Variants in CSRNP3 observed in about 807,000 individuals in gnomAD.
CSRNP3 encodes the protein cysteine/serine-rich nuclear protein 3.
In CSRNP3, 12 loss-of-function variants were observed where a neutral mutation model predicts 48.0. That is an observed-to-expected ratio of 0.25 (90% CI 0.16 to 0.41). The LOEUF (loss-of-function observed/expected upper bound fraction) is 0.41, where lower values mean the gene tolerates loss of function less well. CSRNP3 is among the 10% of genes least tolerant of loss of function. The pLI is 1.00. For missense variants in CSRNP3, 580 were observed against 724.4 expected (o/e 0.80, Z 2.29); for synonymous variants, 263 against 269.7 (o/e 0.98, Z 0.24).
chr2:165,585,555 T>G (rs1685614044), intron 3 of CSRNP3, among the ~76,000 whole-genome samples: 1 of 152,182 alleles, frequency 6.6e-6, no homozygotes, highest in Admixed American at 6.5e-5. Context: ...GACACTGGTG[T>G]TTCTTGGGCC....
At chr2:165,472,196 A>G (rs1453796031) in intron 1 of CSRNP3, among the ~76,000 whole-genome samples, 4 of 152,038 alleles carry the variant, frequency 2.6e-5, no homozygotes, top group Admixed American at 2.0e-4. Context: ...TGTCCAGGCT[A>G]TGGATAGTGA....
chr2:165,500,859 C>G (rs181113583), intron 2 of CSRNP3, among the ~76,000 whole-genome samples: 2 of 152,096 alleles, frequency 1.3e-5, no homozygotes, highest in Admixed American at 1.3e-4. Flanking sequence ...GTATTTAATT[C>G]CATCTTTGAG....
chr2:165,499,074 T>C (rs970059970), intron 2 of CSRNP3, among the ~76,000 whole-genome samples: 1 of 152,182 alleles, frequency 6.6e-6, no homozygotes, highest in African/African-American at 2.4e-5. Flanking sequence ...CATCTAGCAG[T>C]GGTCACAGGC....
At chr2:165,551,971 A>C (rs1026917291) in intron 3 of CSRNP3, among the ~76,000 whole-genome samples, 1 of 152,240 alleles carries the variant, frequency 6.6e-6, no homozygotes, top group Admixed American at 6.5e-5. Context: ...GGGGAATCTA[A>C]CCTATTAATT....
intron 3 of CSRNP3, among the ~76,000 whole-genome samples, chr2:165,554,573 C>G (rs541094496): frequency 5.3e-5 from 8 of 152,282 alleles, no homozygotes; most frequent in African/African-American, 1.9e-4. Flanking sequence ...TCCTTGGACT[C>G]AAGACTGTGT....
chr2:165,518,878 T>C (rs1175176470), intron 3 of CSRNP3, among the ~76,000 whole-genome samples: 1 of 152,078 alleles, frequency 6.6e-6, no homozygotes, highest in Non-Finnish European at 1.5e-5. Flanking sequence ...GAATAAGATA[T>C]GGTCCTTGTT....
intron 5 of CSRNP3, among the ~76,000 whole-genome samples, chr2:165,674,861 C>T (rs948841026): frequency 7.9e-5 from 12 of 151,524 alleles, no homozygotes; most frequent in Admixed American, 2.0e-4. Flanking sequence ...CAGGCACCCA[C>T]CACCATGCCC....
chr2:165,643,486 G>T (rs1158841625), intron 4 of CSRNP3, among the ~76,000 whole-genome samples: 1 of 152,124 alleles, frequency 6.6e-6, no homozygotes, highest in Non-Finnish European at 1.5e-5. Flanking sequence ...GTAGAATTTG[G>T]GGATCAAGGA....
rs1208753263 is a variant in CSRNP3, at chr2:165,632,994, A to C, written c.149-24767A>C. Among the ~76,000 whole-genome samples, 4 of 152,348 alleles carry C rather than the reference A, an allele frequency of 2.6e-5. No homozygotes were observed. The East Asian group carries it at 5.8e-4, about 22-fold the overall frequency. ...CCTTCTTTTTGATATAATCTGTAAT[A>C]TTTGAACATTTTCTTATGTCATACT... On this transcript the variant is annotated intron_variant, in intron 4 of 6. Coordinates refer to ENST00000651982, the MANE Select transcript of CSRNP3 (RefSeq NM_001172173.2).
intron 4 of CSRNP3, among the ~76,000 whole-genome samples, chr2:165,607,331 A>G (rs1228020781): frequency 2.6e-5 from 4 of 152,210 alleles, no homozygotes; most frequent in Non-Finnish European, 5.9e-5. Flanking sequence ...AAACTTGGCC[A>G]TCAATTAGAA....
Position 165,679,806 on chromosome 2 carries a change from A to G in CSRNP3, c.*53A>G. ...TTCTCTTATTTAAGGCACTGTATTT[A>G]ATTGGATTTCCTGGGCTCATCATTG... On this transcript the variant is annotated 3_prime_UTR_variant, in exon 7 of 7. Transcript: ENST00000651982. The G allele has an allele frequency of 6.4e-7, 1 of 1,551,614 alleles. No individual in the cohort carries two copies. The highest frequency in any genetic ancestry group is 8.7e-7 in the Non-Finnish European group (1 of 1,149,724).
intron 3 of CSRNP3, among the ~76,000 whole-genome samples, chr2:165,551,255 A>G (rs1172045617): frequency 1.3e-5 from 2 of 152,206 alleles, no homozygotes; most frequent in African/African-American, 4.8e-5. Context: ...CCCAACCCCA[A>G]TATGAGCTCT....
At chr2:165,671,487 C>T (rs969564270) in intron 5 of CSRNP3, among the ~76,000 whole-genome samples, 5 of 152,200 alleles carry the variant, frequency 3.3e-5, no homozygotes, top group African/African-American at 9.6e-5. Flanking sequence ...AGCCATGCCC[C>T]GAGCTGTAAC....
chr2:165,556,054 A>G (rs1417130542), intron 3 of CSRNP3, among the ~76,000 whole-genome samples: 1 of 152,138 alleles, frequency 6.6e-6, no homozygotes. Flanking sequence ...AAGGGGCACC[A>G]ATGACTAGAC....
At chr2:165,639,844 C>T (rs575349141) in intron 4 of CSRNP3, among the ~76,000 whole-genome samples, 12 of 152,144 alleles carry the variant, frequency 7.9e-5, no homozygotes, top group Non-Finnish European at 1.8e-4. Flanking sequence ...TACCTTTTGT[C>T]TCTCATTCAT....
chr2:165,651,862 G>A (rs1050546471), intron 4 of CSRNP3, among the ~76,000 whole-genome samples: 1 of 151,944 alleles, frequency 6.6e-6, no homozygotes. Context: ...CACCATGCTG[G>A]CCAGGCTGGT....
chr2:165,679,712 G>A lies in CSRNP3; in HGVS notation c.1717G>A (p.Glu573Lys), dbSNP rs1687499057. The change falls in exon 7 of 7, where the codon GAG becomes AAG. Residue 573 changes from glutamate (E) to lysine (K), a missense_variant. Transcript: ENST00000651982. ...TGCAGAAAAGAGCATATTGCATGAA[G>A]AGTGCATCAAATCACCCGTGGTTGA... Reference protein sequence around the residue: ...SLAEKSILHEECIKSPVVETV... With the variant: ...SLAEKSILHEKCIKSPVVETV... 6.2e-7 allele frequency: 1 copy of A among 1,614,032 alleles called. No individual in the cohort carries two copies. The highest frequency in any genetic ancestry group is 8.5e-7 in the Non-Finnish European group (1 of 1,179,966).
chr2:165,590,689 G>A (rs1488977196), intron 3 of CSRNP3, among the ~76,000 whole-genome samples: 1 of 152,114 alleles, frequency 6.6e-6, no homozygotes, highest in Non-Finnish European at 1.5e-5. Flanking sequence ...GGTTTTATAA[G>A]GGGTTTTCCC....
chr2:165,615,887 GGTTTTTT>G (rs1171956119), intron 4 of CSRNP3, among the ~76,000 whole-genome samples: 9 of 126,650 alleles, frequency 7.1e-5, no homozygotes, highest in African/African-American at 1.2e-4. Flanking sequence ...ATGTTTGTGG[GGTTTTTT>G]TTTTTTTTTT....
Sources: allele counts gnomAD v4.1 joint callset (sites outside exome capture counted in the v4.1 genomes callset), GRCh38; gene constraint gnomAD v4.1.1; transcripts MANE v1.5; gene names NCBI Gene and HGNC (gene_info 2026-07-23, HGNC 2026-07-21).